IQGAP1: variants seen among roughly 807,000 people sequenced by gnomAD.
IQGAP1 encodes ras GTPase-activating-like protein IQGAP1.
In IQGAP1, 66 loss-of-function variants were observed where a neutral mutation model predicts 215.6. That is an observed-to-expected ratio of 0.31 (90% CI 0.25 to 0.38). The LOEUF (loss-of-function observed/expected upper bound fraction) is 0.38, where lower values mean the gene tolerates loss of function less well. IQGAP1 is among the 10% of genes least tolerant of loss of function. The probability of loss-of-function intolerance (pLI) is 1.00; values close to 1 mark genes in which losing one functional copy is unlikely to be tolerated. For missense variants in IQGAP1, 1,712 were observed against 1,997.1 expected (o/e 0.86, Z 2.72); for synonymous variants, 772 against 728.7 (o/e 1.06, Z -0.96).
intron 2 of IQGAP1, among the ~76,000 whole-genome samples, chr15:90,406,600 A>T (rs561793131): frequency 6.6e-6 from 1 of 152,376 alleles, no homozygotes; most frequent in East Asian, 1.9e-4. Flanking sequence ...CAGCAAAAAG[A>T]GCTGCAGATT....
chr15:90,481,300 C>G (rs1211074923), intron 26 of IQGAP1, among the ~76,000 whole-genome samples: 1 of 113,692 alleles, frequency 8.8e-6, no homozygotes, highest in Admixed American at 1.0e-4. Context: ...TTTTTTAAGA[C>G]AAGGTCTTGC....
chr15:90,429,228 C>G (rs1037983346), intron 3 of IQGAP1, among the ~76,000 whole-genome samples: 1 of 152,192 alleles, frequency 6.6e-6, no homozygotes, highest in African/African-American at 2.4e-5. Flanking sequence ...CATTATCTCA[C>G]TTAGTTTTTA....
intron 4 of IQGAP1, among the ~76,000 whole-genome samples, chr15:90,430,541 C>G (rs961332679): frequency 6.6e-5 from 10 of 151,990 alleles, no homozygotes; most frequent in Non-Finnish European, 1.5e-4. Context: ...GATATCAACC[C>G]AAGTAAAGGG....
chr15:90,454,391 G>A lies in IQGAP1; in HGVS notation c.1488-37G>A, dbSNP rs1484580123. 4 of 1,611,776 alleles carry A rather than the reference G, an allele frequency of 2.5e-6. No homozygotes were observed. The African/African-American group carries it at 5.3e-5, about 22-fold the overall frequency. The stretch of plus-strand genomic sequence containing the variant: ...TGTTCCTTGAATATTTAAACATGCT[G>A]TGCTTAATGCTCTTTTTACTTGGGG... On this transcript the variant is annotated intron_variant, in intron 13 of 37. Transcript: ENST00000268182.
intron 18 of IQGAP1, among the ~76,000 whole-genome samples, chr15:90,472,618 A>T (rs1422613730): frequency 6.6e-6 from 1 of 151,940 alleles, no homozygotes; most frequent in African/African-American, 2.4e-5. Flanking sequence ...AAGAAGATCA[A>T]GTTTTTGTTT....
rs1224461445 is a variant in IQGAP1 at position 90,444,271 on chromosome 15, GTGTGTGTGTATA to G, written c.913+795_913+806del. On this transcript the variant is annotated intron_variant, in intron 9 of 37. Transcript: ENST00000268182. Reference sequence around the variant, plus strand: ...TGTGTGTGTGTGTGTGTGTGTGTGTGTGTGTGTGTATATATATATTTTTTTTTTTCTTTAAGA... The same window carrying G: ...TGTGTGTGTGTGTGTGTGTGTGTGTGTATATATTTTTTTTTTTCTTTAAGA... Among the ~76,000 whole-genome samples the G allele has an allele frequency of 1.1e-3, 135 of 117,492 alleles. 1 individual carries two copies. The highest frequency in any genetic ancestry group is 5.6e-3 in the African/African-American group (124 of 22,222). The allele number at this position is 117,492 out of a possible 152,430, so 77.1% of individuals were successfully genotyped here. A position where few individuals can be genotyped will look rare whatever the true frequency, so the allele number is the denominator to read the frequency against.
intron 18 of IQGAP1, among the ~76,000 whole-genome samples, chr15:90,470,522 A>C (rs1013268213): frequency 2.0e-5 from 3 of 152,170 alleles, no homozygotes; most frequent in African/African-American, 4.8e-5. Flanking sequence ...AGCAGCCTAC[A>C]TACTTAAGCA....
intron 37 of IQGAP1, 79 bp from the exon 38 acceptor site, chr15:90,499,916 T>C (rs1197473271): frequency 2.2e-6 from 2 of 926,220 alleles, no homozygotes; most frequent in Non-Finnish European, 3.4e-6. Context: ...CCTCCCTACA[T>C]TGTGTCCTTT....
At chr15:90,453,514 C>T (rs551663264) in intron 13 of IQGAP1, among the ~76,000 whole-genome samples, 1 of 152,304 alleles carries the variant, frequency 6.6e-6, no homozygotes, top group African/African-American at 2.4e-5. Flanking sequence ...GTCAAAATAA[C>T]ACTATCTCTG....
chr15:90,391,609 G>A (rs979631687), intron 2 of IQGAP1: 1 of 152,388 alleles, frequency 6.6e-6, no homozygotes, highest in African/African-American at 2.4e-5. Flanking sequence ...GCTTAGAAGC[G>A]TGGTGCTGTT....
chr15:90,454,071 TAATCTTTCCTA>T (rs1965645347), intron 13 of IQGAP1, among the ~76,000 whole-genome samples: 1 of 152,210 alleles, frequency 6.6e-6, no homozygotes. Context: ...ACCCAATTGA[TAATCTTTCCTA>T]AATCAGTACC....
At chr15:90,437,871 T>G (rs888340609) in intron 5 of IQGAP1, among the ~76,000 whole-genome samples, 3 of 152,232 alleles carry the variant, frequency 2.0e-5, no homozygotes, top group Admixed American at 1.3e-4. Flanking sequence ...TAAAATCTTC[T>G]GAGACAGGCG....
chr15:90,409,855 A>G (rs1460176494), intron 2 of IQGAP1, among the ~76,000 whole-genome samples: 1 of 152,194 alleles, frequency 6.6e-6, no homozygotes, highest in Non-Finnish European at 1.5e-5. Context: ...CTGGTGTGAG[A>G]TGGCATCTCA....
At chr15:90,425,651 C>G (rs907288265) in intron 2 of IQGAP1, among the ~76,000 whole-genome samples, 1 of 152,162 alleles carries the variant, frequency 6.6e-6, no homozygotes, top group Admixed American at 6.5e-5. Flanking sequence ...CCCAAGCAAC[C>G]TTAAAACTTG....
chr15:90,405,194 G>T (rs1221100801), intron 2 of IQGAP1, among the ~76,000 whole-genome samples: 1 of 152,146 alleles, frequency 6.6e-6, no homozygotes, highest in Non-Finnish European at 1.5e-5. Flanking sequence ...GTGCTCTGGA[G>T]GGTGTCTTGT....
intron 23 of IQGAP1, among the ~76,000 whole-genome samples, chr15:90,475,905 C>T (rs1965973284): frequency 6.6e-6 from 1 of 152,022 alleles, no homozygotes; most frequent in Non-Finnish European, 1.5e-5. Context: ...AAGGATAAGA[C>T]TCTTTCCCTA....
chr15:90,419,467 G>A (rs2601206), intron 2 of IQGAP1, among the ~76,000 whole-genome samples: 52,404 of 151,996 alleles, frequency 0.34, 9,709 homozygotes, highest in East Asian at 0.67. Flanking sequence ...TTGCATTTGA[G>A]TGAGATTTGC....
intron 4 of IQGAP1, among the ~76,000 whole-genome samples, chr15:90,432,030 T>A (rs1965310359): frequency 6.6e-6 from 1 of 152,218 alleles, no homozygotes; most frequent in Non-Finnish European, 1.5e-5. Flanking sequence ...ATGGACATAC[T>A]TTAAGATGCA....
chr15:90,502,079 TTC>T lies in IQGAP1; in HGVS notation c.*1975_*1976del, dbSNP rs769010080. On this transcript the variant is annotated 3_prime_UTR_variant, in exon 38 of 38. Coordinates refer to ENST00000268182, the MANE Select transcript of IQGAP1 (RefSeq NM_003870.4). The stretch of plus-strand genomic sequence containing the variant: ...TTACTGTTATTTATTAGCTGTAGCA[TTC>T]TCTGTCTCCTCTCTCTCCTCCTTTG... 2.0e-5 allele frequency: 3 copies of T among 152,680 alleles called. No homozygotes were observed. Among genetic ancestry groups the T allele is most frequent in the Non-Finnish European group, 4.4e-5 (3 of 68,052 alleles). 9.5% of individuals were successfully genotyped at this position (152,680 alleles called of 1,614,324 possible).
Sources: allele counts gnomAD v4.1 joint callset (sites outside exome capture counted in the v4.1 genomes callset), GRCh38; gene constraint gnomAD v4.1.1; transcripts MANE v1.5; gene names NCBI Gene and HGNC (gene_info 2026-07-23, HGNC 2026-07-21).